DST: variants seen among roughly 807,000 people sequenced by gnomAD.
The protein encoded by DST is dystonin.
A neutral mutation model predicts 875.2 loss-of-function variants in DST; 253 were observed. The observed-to-expected ratio is 0.29, with a 90% CI of 0.26 to 0.32. The LOEUF is 0.32. DST is among the 10% of genes least tolerant of loss of function. The pLI is 1.00. For missense variants in DST, 8,287 were observed against 9,111.6 expected (o/e 0.91, Z 3.68); for synonymous variants, 3,124 against 3,197.1 (o/e 0.98, Z 0.77).
intron 36 of DST, among the ~76,000 whole-genome samples, chr6:56,622,637 T>C (rs922707903): frequency 2.7e-5 from 4 of 149,400 alleles, no homozygotes; most frequent in African/African-American, 9.9e-5. Context: ...GTGAGAAAAA[T>C]TACTAGAAAT....
chr6:56,909,338 T>A (rs1393604107), intron 2 of DST, among the ~76,000 whole-genome samples: 3 of 152,224 alleles, frequency 2.0e-5, no homozygotes, highest in Non-Finnish European at 4.4e-5. Context: ...CTCTAGCCAA[T>A]GAAATGTGTA....
intron 10 of DST, among the ~76,000 whole-genome samples, chr6:56,664,507 C>T (rs1192889520): frequency 6.6e-6 from 1 of 152,202 alleles, no homozygotes; most frequent in Non-Finnish European, 1.5e-5. Context: ...TCAACCCTAA[C>T]TCTTGGTGAC....
chr6:56,468,548 TC>T (rs1180680028), intron 98 of DST, among the ~76,000 whole-genome samples: 1 of 152,180 alleles, frequency 6.6e-6, no homozygotes, highest in Non-Finnish European at 1.5e-5. Context: ...CTCTCTGTCT[TC>T]CTGTGTCACT....
At chr6:56,900,337 C>A (rs946036839) in intron 3 of DST, 84 bp downstream of exon 3, 1 of 1,134,002 alleles carries the variant, frequency 8.8e-7, no homozygotes, top group Admixed American at 2.4e-5. Context: ...CAAAGTTAAT[C>A]TGATAATGTT....
intron 4 of DST, among the ~76,000 whole-genome samples, chr6:56,812,356 C>T (rs1490189819): frequency 6.6e-6 from 1 of 152,084 alleles, no homozygotes; most frequent in Non-Finnish European, 1.5e-5. Context: ...AAAGAAATGT[C>T]TTAATCAGGT....
intron 49 of DST, among the ~76,000 whole-genome samples, chr6:56,587,390 T>G (rs1271933745): frequency 1.3e-5 from 2 of 152,144 alleles, no homozygotes; most frequent in Non-Finnish European, 2.9e-5. Context: ...GAACAAAGCC[T>G]CCAAGAAATA....
intron 86 of DST, among the ~76,000 whole-genome samples, chr6:56,487,863 T>C (rs370536046): frequency 2.9e-4 from 44 of 152,186 alleles, no homozygotes; most frequent in African/African-American, 9.9e-4. Context: ...TCACAAAATA[T>C]AATGGAAACA....
At chr6:56,547,153 T>C (rs936167077) in intron 61 of DST, among the ~76,000 whole-genome samples, 1 of 152,126 alleles carries the variant, frequency 6.6e-6, no homozygotes, top group Non-Finnish European at 1.5e-5. Context: ...CCGAGAAGTA[T>C]GGTATATTCC....
In DST at chr6:56,459,080, T is replaced by C; in HGVS notation, c.23382A>G (p.Thr7794=). ...GCGTGGGGATTTTTGAAGGCTTCGCTGTGGATGGCCGAGAACCTGCTCGGG... is the reference window on the plus strand; with the variant it reads ...GCGTGGGGATTTTTGAAGGCTTCGCCGTGGATGGCCGAGAACCTGCTCGGG... ...PTPRAGSRPS[T]AKPSKIPTPQ... is the part of the protein sequence containing the mutation. Residue 7794 remains threonine (T), a synonymous_variant, in exon 104 of 104, where the codon ACA becomes ACG. Transcript: ENST00000680361. 1 of 1,614,022 alleles carries C rather than the reference T, an allele frequency of 6.2e-7. No homozygotes were observed. Among genetic ancestry groups the C allele is most frequent in the East Asian group, 2.2e-5 (1 of 44,886 alleles).
intron 52 of DST, 31 bp from the exon 53 acceptor site, chr6:56,572,297 A>C: frequency 6.8e-7 from 1 of 1,468,682 alleles, no homozygotes; most frequent in Middle Eastern, 2.0e-4. Flanking sequence ...CAGTCAATAT[A>C]AATGTTGCTA....
chr6:56,610,664 T>C (rs2098536956), intron 38 of DST, 102 bp from the exon 39 acceptor site: 5 of 897,786 alleles, frequency 5.6e-6, no homozygotes, highest in Admixed American at 3.1e-5. Context: ...AAATAAAATA[T>C]AGCCTCACAT....
At chr6:56,560,256 T>G in intron 58 of DST, 38 bp downstream of exon 58, 1 of 1,521,146 alleles carries the variant, frequency 6.6e-7, no homozygotes, top group East Asian at 2.4e-5. Flanking sequence ...ATGATTGCAC[T>G]TTTCTTCATA....
intron 44 of DST, 33 bp from the exon 45 acceptor site, chr6:56,600,254 G>A (rs2098434169): frequency 1.3e-6 from 2 of 1,593,990 alleles, no homozygotes; most frequent in Non-Finnish European, 1.7e-6. Context: ...CATCTTAAAT[G>A]TATGGTGGTC....
At chr6:56,600,261 G>A in intron 44 of DST, 40 bp from the exon 45 acceptor site, 1 of 1,586,140 alleles carries the variant, frequency 6.3e-7, no homozygotes, top group African/African-American at 1.4e-5. Context: ...AATGTATGGT[G>A]GTCACAAAAT....
intron 45 of DST, among the ~76,000 whole-genome samples, chr6:56,598,917 T>G (rs1261149348): frequency 2.0e-5 from 3 of 152,108 alleles, no homozygotes; most frequent in Non-Finnish European, 4.4e-5. Context: ...GCATGAATTT[T>G]CATGTTTAAC....
chr6:56,847,491 G>A (rs1234202106), intron 4 of DST, among the ~76,000 whole-genome samples: 1 of 152,088 alleles, frequency 6.6e-6, no homozygotes, highest in Non-Finnish European at 1.5e-5. Flanking sequence ...CCTCAGGATT[G>A]TACACAAACA....
chr6:56,738,102 C>T (rs1381456868), intron 4 of DST, among the ~76,000 whole-genome samples: 1 of 152,054 alleles, frequency 6.6e-6, no homozygotes, highest in Non-Finnish European at 1.5e-5. Context: ...CATTTCTTCT[C>T]CAAAGTACCT....
intron 74 of DST, 72 bp from the exon 75 acceptor site, chr6:56,508,827 T>C: frequency 7.9e-7 from 1 of 1,258,910 alleles, no homozygotes. Flanking sequence ...ATGTTATAGT[T>C]CACACAGAAA....
At chr6:56,783,481 G>A (rs1435997165) in intron 4 of DST, among the ~76,000 whole-genome samples, 1 of 152,094 alleles carries the variant, frequency 6.6e-6, no homozygotes, top group African/African-American at 2.4e-5. Flanking sequence ...TTACGTAATG[G>A]CCTTCTTTGT....
Sources: gnomAD v4.1 joint callset for allele counts (sites outside exome capture counted in the v4.1 genomes callset) on GRCh38, gnomAD v4.1.1 for gene constraint, MANE v1.5 for transcripts, NCBI Gene and HGNC (gene_info 2026-07-23, HGNC 2026-07-21) for gene names.